RPAP1: variants seen among roughly 807,000 people sequenced by gnomAD.
RPAP1 encodes the protein RNA polymerase II-associated protein 1.
RPAP1 carries 109 observed loss-of-function variants against 142.4 expected under a neutral mutation model. The ratio of observed to expected loss-of-function variants is 0.77; its 90% CI spans 0.66 to 0.90. The LOEUF (loss-of-function observed/expected upper bound fraction) is 0.90. Ranked by LOEUF, RPAP1 falls within the 40% of genes least tolerant of loss-of-function variation. The pLI is 0.00. For missense variants in RPAP1, 1,546 were observed against 1,751.7 expected (o/e 0.88, Z 2.10); for synonymous variants, 704 against 738.9 (o/e 0.95, Z 0.77).
chr15:41,531,330 G>T, intron 6 of RPAP1, 128 bp from the exon 7 acceptor site: 1 of 928,342 alleles, frequency 1.1e-6, no homozygotes, highest in Non-Finnish European at 1.6e-6. Flanking sequence ...CCGAGCCTGG[G>T]CCTGAGCCTT....
In RPAP1 at chr15:41,518,157, G is replaced by C; in HGVS notation, c.3821C>G (p.Thr1274Arg). The C allele has an allele frequency of 6.3e-7, 1 of 1,581,344 alleles. No individual in the cohort carries two copies. Among genetic ancestry groups the C allele is most frequent in the East Asian group, 2.2e-5 (1 of 44,678 alleles). Residue 1274 changes from threonine to arginine, a missense_variant, in exon 23 of 25, where the codon ACA (threonine) becomes AGA (arginine). Thr to Arg is a moderately conservative substitution (Grantham distance 71). Around this residue, in one of 3 missense-constraint regions of RPAP1, gnomAD observed 210 missense variants for 248.0 expected, o/e 0.85. Transcript: ENST00000304330. ...GGCCAGGTTGTCTTCAGGAGGCACT[G>C]TGTAACACTCCAGGGACACAGGCAA... ...TQLPVSLECY[T>R]VPPEDNLALL...
Position 41,527,926 on chromosome 15 carries a change from T to C in RPAP1, c.1362A>G (p.Arg454=). The C allele has an allele frequency of 1.2e-6, 2 of 1,613,996 alleles. No homozygotes were observed. Among genetic ancestry groups the C allele is most frequent in the East Asian group, 2.2e-5 (1 of 44,864 alleles). The change falls in exon 11 of 25, where the codon AGA becomes AGG. Residue 454 remains arginine (R), a synonymous_variant. Coordinates refer to ENST00000304330, the MANE Select transcript of RPAP1 (RefSeq NM_015540.4). ...TGGCGGTTGCAATGACCCCATCCACTCTGTCATCCAAGGAGAAGCGCAGTA... is the reference window on the plus strand; with the variant it reads ...TGGCGGTTGCAATGACCCCATCCACCCTGTCATCCAAGGAGAAGCGCAGTA... ...LFLLRFSLDD[R]VDGVIATAIR...
At chr15:41,537,470 G>A (rs554844394) in intron 1 of RPAP1, among the ~76,000 whole-genome samples, 10 of 152,282 alleles carry the variant, frequency 6.6e-5, no homozygotes, top group African/African-American at 1.9e-4. Flanking sequence ...ATCAGGGGCC[G>A]AGCAGATAAA....
rs2051893052 is a variant in RPAP1, at chr15:41,534,947, G to A, written c.542-12C>T. The A allele has an allele frequency of 2.5e-6, 4 of 1,612,520 alleles. No individual in the cohort carries two copies. The highest frequency in any genetic ancestry group is 2.5e-6 in the Non-Finnish European group (3 of 1,178,978). The stretch of plus-strand genomic sequence containing the variant: ...ACAGGTCACGGCACCTGGAAGAAAG[G>A]TATGATCACATTCATTGCTCTGTCC... On this transcript the variant is annotated splice_polypyrimidine_tract_variant and intron_variant, in intron 5 of 24. Coordinates refer to ENST00000304330, the MANE Select transcript of RPAP1 (RefSeq NM_015540.4).
chr15:41,529,837 C>G lies in RPAP1; in HGVS notation c.1059+27G>C, dbSNP rs775239151. The G allele has an allele frequency of 3.9e-6, 6 of 1,536,962 alleles. No homozygotes were observed. The Admixed American group carries it at 1.1e-4, about 27-fold the overall frequency. ...CCTCTCCTGCCCTATCTCACCCACC[C>G]CTTGTAGGCCAGGTGGCCCTCCTCA... is the stretch of plus-strand genomic sequence containing the variant. On this transcript the variant is annotated intron_variant, in intron 8 of 24. Transcript: ENST00000304330.
At chr15:41,521,317 G>A (rs903285068) in intron 21 of RPAP1, among the ~76,000 whole-genome samples, 170 bp from the exon 22 acceptor site, 2 of 152,218 alleles carry the variant, frequency 1.3e-5, no homozygotes, top group Non-Finnish European at 1.5e-5. Flanking sequence ...GCACACTACA[G>A]CCAGCTGCCT....
Position 41,527,199 on chromosome 15 carries a change from G to C in RPAP1, c.1714C>G (p.Leu572Val). ...VLDILAVLIR[L>V]ARHSLESATR... ...GCTGATTCCAGGGAATGCCGGGCCA[G>C]GCGGATGAGCACAGCCAGGATGTCA... Residue 572 changes from leucine (L) to valine (V), a missense_variant, in exon 13 of 25, where the codon CTG (leucine) becomes GTG (valine). Around this residue, in one of 3 missense-constraint regions of RPAP1, gnomAD observed 1,333 missense variants for 1,486.6 expected, o/e 0.90. Coordinates refer to ENST00000304330, the MANE Select transcript of RPAP1 (RefSeq NM_015540.4). 3 of 1,614,206 alleles carry C rather than the reference G, an allele frequency of 1.9e-6. No individual in the cohort carries two copies. Among genetic ancestry groups the C allele is most frequent in the Non-Finnish European group, 2.5e-6 (3 of 1,180,040 alleles).
Position 41,535,528 on chromosome 15 carries a change from G to C in RPAP1, c.525C>G (p.Asn175Lys), listed in dbSNP as rs774938653. 1 of 1,610,822 alleles carries C rather than the reference G, an allele frequency of 6.2e-7. No homozygotes were observed. Among genetic ancestry groups the C allele is most frequent in the African/African-American group, 1.3e-5 (1 of 74,644 alleles). ...KGPSVGEVVPNVGPPEGAVTC... is the reference protein window; with the variant it reads ...KGPSVGEVVPKVGPPEGAVTC... ...CCGGCTCACCCTCTGGTGGGCCCACGTTGGGCACAACTTCCCCAACTGATG... is the reference window on the plus strand; with the variant it reads ...CCGGCTCACCCTCTGGTGGGCCCACCTTGGGCACAACTTCCCCAACTGATG... Residue 175 changes from asparagine to lysine, a missense_variant, in exon 5 of 25, where the codon AAC becomes AAG. Asn to Lys is a moderately conservative substitution (Grantham distance 94, BLOSUM62 0). Transcript: ENST00000304330.
At chr15:41,531,228 T>A in intron 6 of RPAP1, 26 bp from the exon 7 acceptor site, 1 of 1,591,224 alleles carries the variant, frequency 6.3e-7, no homozygotes, top group Non-Finnish European at 8.6e-7. Flanking sequence ...GAGGGGAGAG[T>A]GAGTGAGGGT....
rs1836297711 is a variant in RPAP1, at chr15:41,517,318, C to G, written c.*224G>C. On this transcript the variant is annotated 3_prime_UTR_variant, in exon 25 of 25. Coordinates refer to ENST00000304330, the MANE Select transcript of RPAP1 (RefSeq NM_015540.4). Reference sequence around the variant, plus strand: ...AAAGAGCGGGTAAATAGCTAAGCCACTCTTCACTCCCAGTACAGACCTTCA... The same window carrying G: ...AAAGAGCGGGTAAATAGCTAAGCCAGTCTTCACTCCCAGTACAGACCTTCA... 2.3e-6 allele frequency: 1 copy of G among 426,414 alleles called. No homozygotes were observed. The highest frequency in any genetic ancestry group is 2.0e-5 in the African/African-American group (1 of 50,550). 26.4% of individuals were successfully genotyped at this position (426,414 alleles called of 1,614,324 possible). A position where few individuals can be genotyped will look rare whatever the true frequency, so the allele number is the denominator to read the frequency against.
At position 41,517,839 on chromosome 15, in the gene RPAP1, G is replaced by C; in HGVS notation, c.3991C>G (p.Arg1331Gly). The change falls in exon 24 of 25, where the codon CGC becomes GGC. Residue 1331 changes from arginine (R) to glycine (G), a missense_variant. This residue lies in a region of RPAP1 where 210 missense variants were observed against 248.0 expected (regional missense o/e 0.85). Transcript: ENST00000304330. ...CATGTTTTCTGCAGCATACTCCTGC[G>C]GGCAGCTTTGACCTCATCCTAGAAG... ...PQSSDEVKAA[R>G]RSMLQKTWLL... is the part of the protein sequence containing the mutation. 1 of 1,614,094 alleles carries C rather than the reference G, an allele frequency of 6.2e-7. No homozygotes were observed. The highest frequency in any genetic ancestry group is 8.5e-7 in the Non-Finnish European group (1 of 1,180,022).
Position 41,520,661 on chromosome 15 carries a change from T to C in RPAP1, c.3525A>G (p.Val1175=), listed in dbSNP as rs1376511300. The change falls in exon 22 of 25, where the codon GTA becomes GTG. Residue 1175 remains valine, a synonymous_variant. Coordinates refer to ENST00000304330, the MANE Select transcript of RPAP1 (RefSeq NM_015540.4). ...VDSELFRESP[V]QHLVAALLAQ... ...CGAGGAGGGCTGCCACCAGATGCTG[T>C]ACTGGGGACTCCCGGAACAGCTCAC... 15 of 1,614,132 alleles carry C rather than the reference T, an allele frequency of 9.3e-6. No homozygotes were observed. Among genetic ancestry groups the C allele is most frequent in the Non-Finnish European group, 1.3e-5 (15 of 1,180,022 alleles).
At chr15:41,536,448 A>T (rs2051908734) in intron 3 of RPAP1, 53 bp downstream of exon 3, 1 of 1,602,538 alleles carries the variant, frequency 6.2e-7, no homozygotes, top group Non-Finnish European at 8.5e-7. Flanking sequence ...CGAGCATCCA[A>T]TATCCCTGTT....
intron 7 of RPAP1, 39 bp downstream of exon 7, chr15:41,530,984 C>G: frequency 6.3e-7 from 1 of 1,580,516 alleles, no homozygotes; most frequent in Non-Finnish European, 8.7e-7. Flanking sequence ...ATTTCCCCTA[C>G]TTTTATCCAC....
At position 41,521,104 on chromosome 15, in the gene RPAP1, G is replaced by A. The variant is rs773374717; in HGVS notation, c.3082C>T (p.Gln1028Ter). 2.6e-6 allele frequency: 4 copies of A among 1,518,680 alleles called. No homozygotes were observed. The highest frequency in any genetic ancestry group is 3.5e-6 in the Non-Finnish European group (4 of 1,134,522). 94.1% of individuals were successfully genotyped at this position (1,518,680 alleles called of 1,614,324 possible). Reference protein sequence around the residue: ...GGPEAADFSDQLSLGSSRVPR... With the variant: ...GGPEAADFSD ...ACCCTGCTGCTTCCTAACGACAGCT[G>A]GTCAGAGAAGTCGGCTGCCTCTGGA... The change falls in exon 22 of 25, where the codon CAG becomes TAG. Residue 1028 changes from glutamine (Q) to a stop codon, truncating the protein, a stop_gained. Coordinates refer to ENST00000304330, the MANE Select transcript of RPAP1 (RefSeq NM_015540.4). LOFTEE classifies it high-confidence loss of function.
chr15:41,536,754 T>C, intron 2 of RPAP1, 105 bp from the exon 3 acceptor site: 2 of 1,468,164 alleles, frequency 1.4e-6, no homozygotes, highest in South Asian at 2.6e-5. Flanking sequence ...GCTCAAGCTG[T>C]GTCATCTTGG....
chr15:41,534,846 T>C lies in RPAP1; in HGVS notation c.631A>G (p.Thr211Ala). ...SHSFQGPNLVTGKGLRDQEAE... is the reference protein window; with the variant it reads ...SHSFQGPNLVAGKGLRDQEAE... Reference sequence around the variant, plus strand: ...TCTTGATCCCTGAGCCCCTTCCCTGTGACCAGATTGGGTCCCTGAAAGCTG... The same window carrying C: ...TCTTGATCCCTGAGCCCCTTCCCTGCGACCAGATTGGGTCCCTGAAAGCTG... Residue 211 changes from threonine (T) to alanine (A), a missense_variant, in exon 6 of 25, where the codon ACA becomes GCA. Transcript: ENST00000304330. 5 of 1,614,196 alleles carry C rather than the reference T, an allele frequency of 3.1e-6. No individual in the cohort carries two copies. The highest frequency in any genetic ancestry group is 4.2e-6 in the Non-Finnish European group (5 of 1,180,020).
chr15:41,544,182 A>C (rs958698100), intron 1 of RPAP1, 37 bp downstream of exon 1: 29 of 152,398 alleles, frequency 1.9e-4, no homozygotes, highest in African/African-American at 6.8e-4. Context: ...CTCCTCCCAG[A>C]TCACCTGAAA....
At chr15:41,531,663 C>A (rs1218849512) in intron 6 of RPAP1, among the ~76,000 whole-genome samples, 2 of 106,948 alleles carry the variant, frequency 1.9e-5, no homozygotes, top group African/African-American at 3.8e-5. Context: ...TTTTTTGAGA[C>A]GGAATCTCGC....
Sources: allele counts gnomAD v4.1 joint callset (sites outside exome capture counted in the v4.1 genomes callset), GRCh38; gene constraint gnomAD v4.1.1; regional missense constraint gnomAD v4.1.1; transcripts MANE v1.5; gene names NCBI Gene and HGNC (gene_info 2026-07-23, HGNC 2026-07-21).